The following PDE3A variants were observed in gnomAD, a reference collection of about 807,000 sequenced individuals.
PDE3A encodes phosphodiesterase 3A, also known as cGMP-inhibited 3',5'-cyclic phosphodiesterase 3A.
In PDE3A, 43 loss-of-function variants were observed where a neutral mutation model predicts 98.3. The ratio of observed to expected loss-of-function variants is 0.44; its 90% CI spans 0.34 to 0.56. The LOEUF (loss-of-function observed/expected upper bound fraction) is 0.56, where lower values mean the gene tolerates loss of function less well. Ranked by LOEUF, PDE3A falls within the 20% of genes least tolerant of loss-of-function variation. The pLI is 0.01. For missense variants in PDE3A, 1,427 were observed against 1,440.7 expected (o/e 0.99, Z 0.15); for synonymous variants, 663 against 567.9 (o/e 1.17, Z -2.38).
At chr12:20,373,401 C>A (rs1943514771) in intron 1 of PDE3A, among the ~76,000 whole-genome samples, 1 of 152,014 alleles carries the variant, frequency 6.6e-6, no homozygotes, top group East Asian at 1.9e-4. Flanking sequence ...CCTAGACTTT[C>A]TTGGAGTATT....
intron 13 of PDE3A, among the ~76,000 whole-genome samples, chr12:20,649,535 CA>C (rs1944866923): frequency 6.6e-6 from 1 of 152,100 alleles, no homozygotes; most frequent in Admixed American, 6.6e-5. Context: ...CAGTACAGAT[CA>C]AAAACTTGAA....
At chr12:20,588,525 C>A (rs993380341) in intron 2 of PDE3A, among the ~76,000 whole-genome samples, 1 of 152,074 alleles carries the variant, frequency 6.6e-6, no homozygotes, top group East Asian at 1.9e-4. Flanking sequence ...TTCAGGGGGA[C>A]CTGAAGGGTC....
chr12:20,616,518 A>G, intron 4 of PDE3A, 134 bp downstream of exon 4: 1 of 739,358 alleles, frequency 1.4e-6, no homozygotes, highest in East Asian at 2.7e-5. Context: ...GAAAGGGTAC[A>G]TGGTTCAAAT....
At chr12:20,429,166 A>C (rs543657653) in intron 1 of PDE3A, among the ~76,000 whole-genome samples, 2 of 152,352 alleles carry the variant, frequency 1.3e-5, no homozygotes, top group African/African-American at 4.8e-5. Context: ...AATGGAAACG[A>C]TGTGAAGATG....
At chr12:20,381,201 C>G (rs1943657484) in intron 1 of PDE3A, among the ~76,000 whole-genome samples, 1 of 151,746 alleles carries the variant, frequency 6.6e-6, no homozygotes, top group Non-Finnish European at 1.5e-5. Context: ...AAGCAATTAA[C>G]TAGTCCTAAT....
intron 3 of PDE3A, among the ~76,000 whole-genome samples, chr12:20,615,932 C>T (rs1943994244): frequency 6.6e-6 from 1 of 152,032 alleles, no homozygotes; most frequent in African/African-American, 2.4e-5. Context: ...CCATGTTGGC[C>T]AGGTTGGTCT....
chr12:20,674,224 C>G (rs1367383970), intron 15 of PDE3A, among the ~76,000 whole-genome samples: 3 of 152,066 alleles, frequency 2.0e-5, no homozygotes, highest in Admixed American at 6.5e-5. Context: ...TTGATGGAGT[C>G]TATGTTTTTC....
intron 15 of PDE3A, among the ~76,000 whole-genome samples, chr12:20,676,625 G>T (rs930185897): frequency 6.7e-6 from 1 of 149,336 alleles, no homozygotes; most frequent in Non-Finnish European, 1.5e-5. Flanking sequence ...TCAGCCTCCC[G>T]AGTAGCTGGG....
At chr12:20,448,569 A>G (rs1010829907) in intron 1 of PDE3A, among the ~76,000 whole-genome samples, 2 of 152,154 alleles carry the variant, frequency 1.3e-5, no homozygotes, top group Admixed American at 6.6e-5. Flanking sequence ...AGACATTTTA[A>G]TATTATGCCT....
chr12:20,564,004 T>G (rs1418109942), intron 2 of PDE3A, among the ~76,000 whole-genome samples: 1 of 152,138 alleles, frequency 6.6e-6, no homozygotes, highest in East Asian at 1.9e-4. Flanking sequence ...AAATCTATCA[T>G]AGTAGGGATA....
At chr12:20,475,245 C>G (rs928836808) in intron 1 of PDE3A, among the ~76,000 whole-genome samples, 1 of 149,240 alleles carries the variant, frequency 6.7e-6, no homozygotes, top group African/African-American at 2.5e-5. Flanking sequence ...AATTCCTGAG[C>G]TCCTCTCTTT....
chr12:20,422,273 A>G (rs982755933), intron 1 of PDE3A, among the ~76,000 whole-genome samples: 5 of 151,998 alleles, frequency 3.3e-5, no homozygotes, highest in South Asian at 2.1e-4. Context: ...GAACCCGGGA[A>G]GTGGAGCTTG....
intron 15 of PDE3A, among the ~76,000 whole-genome samples, chr12:20,675,632 T>C (rs1945615581): frequency 6.6e-6 from 1 of 152,226 alleles, no homozygotes; most frequent in East Asian, 1.9e-4. Flanking sequence ...GTTTAGTATC[T>C]GGTTGCTCTG....
intron 1 of PDE3A, among the ~76,000 whole-genome samples, chr12:20,395,284 C>T (rs1943988563): frequency 6.6e-6 from 1 of 151,848 alleles, no homozygotes; most frequent in African/African-American, 2.4e-5. Context: ...GAAAGTATTA[C>T]ATGTTCAATA....
At position 20,552,217 on chromosome 12, in the gene PDE3A, G is replaced by A. The variant is rs1472433801; in HGVS notation, c.961-4443G>A. ...GGCCGAGGCCAAGGACTGGCGGTCG[G>A]GGAAGCCGGTCAGGGTGGTGCGCAA... On this transcript the variant is annotated intron_variant, in intron 1 of 15. Transcript: ENST00000359062. This position sits in a 1 kb window ranked among gnomAD's most constrained non-coding sequence, Gnocchi z 5.1. 1 of 1,613,944 alleles carries A rather than the reference G, an allele frequency of 6.2e-7. No individual in the cohort carries two copies. The highest frequency in any genetic ancestry group is 1.7e-5 in the Admixed American group (1 of 60,018).
chr12:20,596,098 C>T (rs1943460004), intron 2 of PDE3A, among the ~76,000 whole-genome samples: 1 of 152,108 alleles, frequency 6.6e-6, no homozygotes, highest in Non-Finnish European at 1.5e-5. Flanking sequence ...TGCTGAATTT[C>T]TGTAGAAATT....
intron 1 of PDE3A, among the ~76,000 whole-genome samples, chr12:20,383,170 G>T (rs866313341): frequency 6.6e-6 from 1 of 151,910 alleles, no homozygotes; most frequent in Non-Finnish European, 1.5e-5. Flanking sequence ...AGGGTCGGTT[G>T]TGTAGTGTGT....
At chr12:20,448,097 G>A (rs139041316) in intron 1 of PDE3A, among the ~76,000 whole-genome samples, 19 of 152,262 alleles carry the variant, frequency 1.2e-4, no homozygotes, top group African/African-American at 4.3e-4. Flanking sequence ...AAGTCACAGC[G>A]AGGAGCCCAT....
intron 1 of PDE3A, among the ~76,000 whole-genome samples, chr12:20,390,212 G>C (rs1203757360): frequency 6.6e-6 from 1 of 151,808 alleles, no homozygotes. Flanking sequence ...TGTGGAGAGG[G>C]GAGCAGGATG....
Sources: allele counts gnomAD v4.1 joint callset (sites outside exome capture counted in the v4.1 genomes callset), GRCh38; gene constraint gnomAD v4.1.1; non-coding constraint Gnocchi (gnomAD v3.1); transcripts MANE v1.5; gene names NCBI Gene and HGNC (gene_info 2026-07-23, HGNC 2026-07-21).